PIAS4: variants seen among roughly 807,000 people sequenced by gnomAD.
The protein encoded by PIAS4 is E3 SUMO-protein ligase PIAS4.
A neutral mutation model predicts 58.0 loss-of-function variants in PIAS4; 7 were observed. The ratio of observed to expected loss-of-function variants is 0.12; its 90% CI spans 0.07 to 0.23. The LOEUF (loss-of-function observed/expected upper bound fraction) is 0.23. Ranked by LOEUF, PIAS4 falls within the 10% of genes least tolerant of loss-of-function variation. The pLI is 1.00. For synonymous variants in PIAS4, 364 were observed against 312.4 expected (o/e 1.17, Z -1.74); for missense variants, 550 against 709.5 (o/e 0.78, Z 2.55).
chr19:4,014,807 CAGCG>C (rs2040034758), intron 2 of PIAS4, among the ~76,000 whole-genome samples: 2 of 152,252 alleles, frequency 1.3e-5, no homozygotes, highest in South Asian at 4.1e-4. Context: ...CCCAGGGAGG[CAGCG>C]TTGATGGGGG....
At position 4,021,170 on chromosome 19, in the gene PIAS4, T is replaced by C. The variant is rs111466915; in HGVS notation, c.455-2866T>C. Reference sequence around the variant, plus strand: ...TTTATTTTACCTCATTTTATATTATTGATACAGAGCCTCACTCTGTCACCC... The same window carrying C: ...TTTATTTTACCTCATTTTATATTATCGATACAGAGCCTCACTCTGTCACCC... On this transcript the variant is annotated intron_variant, in intron 2 of 10. Transcript: ENST00000262971. Among the ~76,000 whole-genome samples, 999 of 152,194 alleles carry C rather than the reference T, an allele frequency of 6.6e-3. 11 individuals are homozygous for C. The highest frequency in any genetic ancestry group is 0.02 in the African/African-American group (821 of 41,498).
chr19:4,031,816 G>C (rs1234720471), intron 7 of PIAS4, among the ~76,000 whole-genome samples: 1 of 152,192 alleles, frequency 6.6e-6, no homozygotes, highest in Non-Finnish European at 1.5e-5. Context: ...TTCCTGCTGC[G>C]CACGTCTCTC....
chr19:4,014,533 C>T (rs1016655442), intron 2 of PIAS4, among the ~76,000 whole-genome samples: 3 of 152,192 alleles, frequency 2.0e-5, no homozygotes, highest in Non-Finnish European at 2.9e-5. Context: ...GAGGTCTCTC[C>T]GTCTCTTCTT....
chr19:4,029,948 G>A (rs1257709919), intron 7 of PIAS4, among the ~76,000 whole-genome samples: 1 of 149,146 alleles, frequency 6.7e-6, no homozygotes, highest in East Asian at 2.0e-4. Context: ...TCAGCCTCCT[G>A]AGTAGCTGGG....
chr19:4,023,831 T>C (rs2040135075), intron 2 of PIAS4, among the ~76,000 whole-genome samples: 1 of 152,226 alleles, frequency 6.6e-6, no homozygotes, highest in Non-Finnish European at 1.5e-5. Context: ...ACACAGGCCA[T>C]GGTGAGCGGC....
At chr19:4,020,359 C>G (rs1313058764) in intron 2 of PIAS4, among the ~76,000 whole-genome samples, 2 of 152,168 alleles carry the variant, frequency 1.3e-5, no homozygotes, top group South Asian at 2.1e-4. Flanking sequence ...CCTGGGAGCA[C>G]AGACATAGCC....
chr19:4,024,130 A>G lies in PIAS4; in HGVS notation c.539+10A>G. 1.2e-6 allele frequency: 2 copies of G among 1,605,266 alleles called. No homozygotes were observed. Among genetic ancestry groups the G allele is most frequent in the Non-Finnish European group, 1.7e-6 (2 of 1,172,540 alleles). On this transcript the variant is annotated intron_variant, in intron 3 of 10. Coordinates refer to ENST00000262971, the MANE Select transcript of PIAS4 (RefSeq NM_015897.4). ...TGATCCGGAACTCCAGGTGTGCGGC[A>G]CCTCCCCCAGCCCAGCACCCCACCG...
chr19:4,012,946 C>T lies in PIAS4; in HGVS notation c.51C>T (p.Val17=). Residue 17 remains valine (V), a synonymous_variant, in exon 2 of 11, where the codon GTC becomes GTT. Coordinates refer to ENST00000262971, the MANE Select transcript of PIAS4 (RefSeq NM_015897.4). Reference sequence around the variant, plus strand: ...AGAACATGGTGATGAGTTTTCGAGTCTCCGACCTTCAGATGCTCCTGGGTT... The same window carrying T: ...AGAACATGGTGATGAGTTTTCGAGTTTCCGACCTTCAGATGCTCCTGGGTT... The part of the protein sequence containing the change: ...EAKNMVMSFR[V]SDLQMLLGFV... The T allele has an allele frequency of 1.2e-6, 2 of 1,613,276 alleles. No individual in the cohort carries two copies. Among genetic ancestry groups the T allele is most frequent in the Non-Finnish European group, 1.7e-6 (2 of 1,179,588 alleles).
At chr19:4,009,130 G>T (rs899711450) in intron 1 of PIAS4, among the ~76,000 whole-genome samples, 2 of 151,934 alleles carry the variant, frequency 1.3e-5, no homozygotes, top group Non-Finnish European at 2.9e-5. Flanking sequence ...GAGGTTAGGG[G>T]ACCTCTCCCT....
At chr19:4,019,070 C>T (rs777486855) in intron 2 of PIAS4, among the ~76,000 whole-genome samples, 8 of 152,060 alleles carry the variant, frequency 5.3e-5, no homozygotes, top group African/African-American at 1.2e-4. Context: ...TCGTCTGCAC[C>T]GGGCGGGATT....
chr19:4,007,883 C>T, intron 1 of PIAS4, 96 bp downstream of exon 1: 1 of 965,892 alleles, frequency 1.0e-6, no homozygotes, highest in Non-Finnish European at 1.3e-6. Flanking sequence ...CGGGGCCCCA[C>T]AGCGCGGCCG....
chr19:4,030,044 A>T (rs1362577791), intron 7 of PIAS4, among the ~76,000 whole-genome samples: 3 of 151,198 alleles, frequency 2.0e-5, no homozygotes, highest in African/African-American at 7.3e-5. Flanking sequence ...GGATGGTCTT[A>T]AGCTCCTGAC....
In PIAS4 at chr19:4,013,930, A is replaced by C. The variant is rs1005419345; in HGVS notation, c.454+581A>C. Among the ~76,000 whole-genome samples the C allele has an allele frequency of 1.3e-5, 2 of 151,892 alleles. No individual in the cohort carries two copies. The highest frequency in any genetic ancestry group is 2.9e-5 in the Non-Finnish European group (2 of 67,922). The stretch of plus-strand genomic sequence containing the variant: ...ATCTCCCCCACAGAGTCCGTTGCTC[A>C]CACAGACTCTGTGGCGCATGCAGGG... On this transcript the variant is annotated intron_variant, in intron 2 of 10. Transcript: ENST00000262971. This position sits in a 1 kb window ranked among gnomAD's most constrained non-coding sequence, Gnocchi z 5.1.
chr19:4,036,971 A>G (rs552458375), intron 9 of PIAS4, among the ~76,000 whole-genome samples: 25 of 152,194 alleles, frequency 1.6e-4, no homozygotes, highest in Non-Finnish European at 3.1e-4. Context: ...ACGTGCACAC[A>G]CACGCACATG....
In PIAS4 at chr19:4,010,302, G is replaced by T. The variant is rs528136552; in HGVS notation, c.27+2515G>T. Reference sequence around the variant, plus strand: ...AAGGGGTGTGCTCCGGGAAGCGGGAGCTGCGGCTCCACTGTCCAGCCTGGG... The same window carrying T: ...AAGGGGTGTGCTCCGGGAAGCGGGATCTGCGGCTCCACTGTCCAGCCTGGG... On this transcript the variant is annotated intron_variant, in intron 1 of 10. Coordinates refer to ENST00000262971, the MANE Select transcript of PIAS4 (RefSeq NM_015897.4). Among the ~76,000 whole-genome samples, 33 of 152,314 alleles carry T rather than the reference G, an allele frequency of 2.2e-4. 1 individual carries two copies. In the South Asian group the frequency reaches 3.5e-3, roughly 16 times the overall value.
At chr19:4,021,683 G>A (rs1479117441) in intron 2 of PIAS4, among the ~76,000 whole-genome samples, 1 of 150,844 alleles carries the variant, frequency 6.6e-6, no homozygotes, top group African/African-American at 2.4e-5. Context: ...TACGGTTTAT[G>A]TGGTTTCTTT....
At position 4,037,645 on chromosome 19, in the gene PIAS4, G is replaced by A. The variant is rs765494888; in HGVS notation, c.1303G>A (p.Ala435Thr). Reference sequence around the variant, plus strand: ...CTCGGACGCCAATGGGCTCCTGCCCGCCCCCAGCGTCAACGGGAGCGGTGC... The same window carrying A: ...CTCGGACGCCAATGGGCTCCTGCCCACCCCCAGCGTCAACGGGAGCGGTGC... ...GPSDANGLLP[A>T]PSVNGSGALG... The change falls in exon 11 of 11, where the codon GCC (alanine) becomes ACC (threonine). Residue 435 changes from alanine (A) to threonine (T), a missense_variant. Physicochemically the swap from Ala to Thr is moderately conservative, Grantham distance 58. Coordinates refer to ENST00000262971, the MANE Select transcript of PIAS4 (RefSeq NM_015897.4). The surrounding 1 kb of genome is among the most constrained non-coding windows in gnomAD (Gnocchi z 5.8). The A allele has an allele frequency of 3.0e-5, 48 of 1,611,410 alleles. No homozygotes were observed. Among genetic ancestry groups the A allele is most frequent in the Non-Finnish European group, 3.3e-5 (39 of 1,179,774 alleles).
intron 3 of PIAS4, among the ~76,000 whole-genome samples, chr19:4,024,339 T>C (rs2028826): frequency 0.87 from 132,645 of 152,318 alleles, 58,463 homozygotes; most frequent in East Asian, 0.96. Flanking sequence ...CCCTGCAGCC[T>C]GCTAGAGAGA....
At chr19:4,020,609 C>A (rs939118465) in intron 2 of PIAS4, among the ~76,000 whole-genome samples, 4 of 152,186 alleles carry the variant, frequency 2.6e-5, no homozygotes, top group Non-Finnish European at 5.9e-5. Flanking sequence ...CGCTGCTCAG[C>A]GTTTTTGCTT....
Sources: gnomAD v4.1 joint callset for allele counts (sites outside exome capture counted in the v4.1 genomes callset) on GRCh38, gnomAD v4.1.1 for gene constraint, Gnocchi (gnomAD v3.1) non-coding constraint, MANE v1.5 for transcripts, NCBI Gene and HGNC (gene_info 2026-07-23, HGNC 2026-07-21) for gene names.